RBFOX3: variants seen among roughly 807,000 people sequenced by gnomAD.
The protein encoded by RBFOX3 is RNA binding protein fox-1 homolog 3.
In RBFOX3, 17 loss-of-function variants were observed where a neutral mutation model predicts 48.7. The ratio of observed to expected loss-of-function variants is 0.35; its 90% CI spans 0.24 to 0.52. RBFOX3 has a LOEUF of 0.52. Ranked by LOEUF, RBFOX3 falls within the 20% of genes least tolerant of loss-of-function variation. RBFOX3 has a pLI of 0.94. For synonymous variants in RBFOX3, 212 were observed against 209.5 expected (o/e 1.01, Z -0.10); for missense variants, 382 against 497.5 (o/e 0.77, Z 2.21).
intron 3 of RBFOX3, among the ~76,000 whole-genome samples, chr17:79,261,646 G>A (rs1325181922): frequency 2.0e-5 from 3 of 152,238 alleles, no homozygotes; most frequent in Non-Finnish European, 2.9e-5. Context: ...GTGACACGGA[G>A]GCTGCTGGAG....
intron 3 of RBFOX3, among the ~76,000 whole-genome samples, chr17:79,247,588 A>G (rs935571110): frequency 5.3e-5 from 8 of 152,180 alleles, no homozygotes; most frequent in Admixed American, 1.3e-4. Context: ...CTAGGATTAC[A>G]GGAGTGAGCC....
chr17:79,593,171 G>A (rs1421369806), intron 1 of RBFOX3, among the ~76,000 whole-genome samples: 1 of 152,086 alleles, frequency 6.6e-6, no homozygotes, highest in Non-Finnish European at 1.5e-5. Flanking sequence ...ACTCTTGGCA[G>A]GCAGACACCC....
At chr17:79,527,454 C>T (rs1050114956) in intron 1 of RBFOX3, among the ~76,000 whole-genome samples, 7 of 152,242 alleles carry the variant, frequency 4.6e-5, no homozygotes, top group African/African-American at 1.7e-4. Context: ...GTGCCTGGTA[C>T]TTCTGTGCTC....
chr17:79,227,470 T>C (rs1243161044), intron 4 of RBFOX3, among the ~76,000 whole-genome samples: 1 of 152,210 alleles, frequency 6.6e-6, no homozygotes, highest in Non-Finnish European at 1.5e-5. Flanking sequence ...TGGCTCCTTG[T>C]TGCATCTCAA....
In RBFOX3 at chr17:79,490,540, C is replaced by G. The variant is rs868950133; in HGVS notation, c.-319-7942G>C. Among the ~76,000 whole-genome samples, 1,400 of 152,264 alleles carry G rather than the reference C, an allele frequency of 9.2e-3. 22 individuals are homozygous for G. The highest frequency in any genetic ancestry group is 0.033 in the African/African-American group (1,351 of 41,536). On this transcript the variant is annotated intron_variant, in intron 1 of 14. Coordinates refer to ENST00000693108, the MANE Select transcript of RBFOX3 (RefSeq NM_001350451.2). ...CCAAAATACAGCAACAACAACAAAT[C>G]CTCAGCCTGGCTATGGCTGGCTTGC...
In RBFOX3 at chr17:79,214,067, G is replaced by A. The variant is rs186510501; in HGVS notation, c.-34+21699C>T. On this transcript the variant is annotated intron_variant, in intron 4 of 14. Transcript: ENST00000693108. This position sits in a 1 kb window ranked among gnomAD's most constrained non-coding sequence, Gnocchi z 4.7. ...GCCCGGTGAACTACAGCCAACCCTC[G>A]CATGGCGCCGCCCAGCTCTGGTAGG... 2.6e-4 allele frequency among the ~76,000 whole-genome samples: 39 copies of A among 152,284 alleles called. No individual in the cohort carries two copies. The highest frequency in any genetic ancestry group is 1.1e-3 in the Admixed American group (17 of 15,292).
chr17:79,168,897 G>A (rs969645178), intron 4 of RBFOX3, among the ~76,000 whole-genome samples: 11 of 152,238 alleles, frequency 7.2e-5, no homozygotes, highest in African/African-American at 2.4e-4. Flanking sequence ...AGGTAGGGCA[G>A]AGAGCCCACT....
chr17:79,516,309 G>C (rs2085243751), intron 1 of RBFOX3, among the ~76,000 whole-genome samples: 3 of 152,230 alleles, frequency 2.0e-5, no homozygotes, highest in African/African-American at 7.2e-5. Flanking sequence ...TGAGTTCTAT[G>C]AAATGCCCAC....
chr17:79,178,309 G>C (rs2051068814), intron 4 of RBFOX3, among the ~76,000 whole-genome samples: 1 of 152,232 alleles, frequency 6.6e-6, no homozygotes, highest in Non-Finnish European at 1.5e-5. Flanking sequence ...GTTCAGGGGA[G>C]ATCAGGCTAA....
upstream of RBFOX3, among the ~76,000 whole-genome samples, chr17:79,611,169 T>TCTCTCTCTCTCTCGCTCTCGCTCTCG: frequency 0.012 from 324 of 25,928 alleles, 48 homozygotes; most frequent in Non-Finnish European, 0.02. Flanking sequence ...TCTCTCTCTC[T>TCTCTCTCTCTCTCGCTCTCGCTCTCG]CTCTCCGCCC....
At chr17:79,225,384 G>A (rs1567872949) in intron 4 of RBFOX3, among the ~76,000 whole-genome samples, 1 of 150,174 alleles carries the variant, frequency 6.7e-6, no homozygotes, top group Admixed American at 6.6e-5. Context: ...TCCACCTCCC[G>A]GGTTCAAGCG....
chr17:79,219,015 C>T (rs1044015382), intron 4 of RBFOX3, among the ~76,000 whole-genome samples: 16 of 152,194 alleles, frequency 1.1e-4, no homozygotes, highest in African/African-American at 2.2e-4. Flanking sequence ...GCCTGCTCTG[C>T]GGACCCCCTG....
chr17:79,353,265 G>C (rs995926181), intron 2 of RBFOX3, among the ~76,000 whole-genome samples: 5 of 152,134 alleles, frequency 3.3e-5, no homozygotes, highest in Admixed American at 2.6e-4. Context: ...CTTCATCCCA[G>C]GGTGGCTGGG....
At chr17:79,326,339 T>C (rs1405820869) in intron 2 of RBFOX3, among the ~76,000 whole-genome samples, 1 of 152,128 alleles carries the variant, frequency 6.6e-6, no homozygotes, top group Non-Finnish European at 1.5e-5. Context: ...CGGATCTAGT[T>C]GAGATTTACT....
chr17:79,240,307 T>C (rs549749825), intron 3 of RBFOX3, among the ~76,000 whole-genome samples: 1 of 152,334 alleles, frequency 6.6e-6, no homozygotes, highest in Non-Finnish European at 1.5e-5. Context: ...AAACCGCTCA[T>C]GTCAAAATCA....
chr17:79,167,368 C>T (rs544750798), intron 4 of RBFOX3, among the ~76,000 whole-genome samples: 4 of 152,210 alleles, frequency 2.6e-5, no homozygotes, highest in Admixed American at 6.5e-5. Flanking sequence ...GGGGCCCCTC[C>T]TTCTCTCCCT....
intron 3 of RBFOX3, among the ~76,000 whole-genome samples, chr17:79,270,951 C>CTTTTCT (rs2067563512): frequency 6.6e-6 from 1 of 151,304 alleles, no homozygotes; most frequent in Non-Finnish European, 1.5e-5. Context: ...ATTCAGATTC[C>CTTTTCT]TTTTCTTTTT....
At chr17:79,643,853 T>C in the RBFOX3 span, among the ~76,000 whole-genome samples, 3 of 151,992 alleles carry the variant, frequency 2.0e-5, no homozygotes, top group African/African-American at 7.2e-5. Flanking sequence ...CTCAAATTAA[T>C]GAACTAAGCT....
At chr17:79,190,780 CTCCCAGGAGG>C (rs990349085) in intron 4 of RBFOX3, among the ~76,000 whole-genome samples, 1 of 152,220 alleles carries the variant, frequency 6.6e-6, no homozygotes, top group African/African-American at 2.4e-5. Flanking sequence ...CTCCCTGTAG[CTCCCAGGAGG>C]GACTGGGGCC....
Sources: gnomAD v4.1 joint callset for allele counts (sites outside exome capture counted in the v4.1 genomes callset) on GRCh38, gnomAD v4.1.1 for gene constraint, Gnocchi (gnomAD v3.1) non-coding constraint, MANE v1.5 for transcripts, NCBI Gene and HGNC (gene_info 2026-07-23, HGNC 2026-07-21) for gene names.